MAN1C1: variants seen among roughly 807,000 people sequenced by gnomAD.
MAN1C1 encodes mannosidase alpha class 1C member 1.
In MAN1C1, 49 loss-of-function variants were observed where a neutral mutation model predicts 71.5. The observed-to-expected ratio is 0.69, with a 90% CI of 0.54 to 0.87. MAN1C1 has a LOEUF of 0.87. Ranked by LOEUF, MAN1C1 falls within the 40% of genes least tolerant of loss-of-function variation. MAN1C1 has a pLI of 0.00. For missense variants in MAN1C1, 743 were observed against 835.0 expected (o/e 0.89, Z 1.36); for synonymous variants, 352 against 343.7 (o/e 1.02, Z -0.27).
At chr1:25,691,936 G>T (rs759312222) in intron 2 of MAN1C1, among the ~76,000 whole-genome samples, 4 of 152,186 alleles carry the variant, frequency 2.6e-5, no homozygotes, top group Non-Finnish European at 5.9e-5. Context: ...CAATAAATCT[G>T]TGTAGTCCGT....
At chr1:25,679,475 A>T (rs889378164) in intron 1 of MAN1C1, among the ~76,000 whole-genome samples, 7 of 152,028 alleles carry the variant, frequency 4.6e-5, no homozygotes, top group Admixed American at 4.6e-4. Context: ...GTTGTAATTT[A>T]TAAAAAGTGA....
chr1:25,781,862 G>A (rs561560706), intron 10 of MAN1C1, among the ~76,000 whole-genome samples: 2 of 152,284 alleles, frequency 1.3e-5, no homozygotes, highest in South Asian at 2.1e-4. Context: ...GACCCCCTCC[G>A]TGGGTAGAAA....
At chr1:25,689,356 T>C (rs1285166648) in intron 2 of MAN1C1, among the ~76,000 whole-genome samples, 1 of 152,136 alleles carries the variant, frequency 6.6e-6, no homozygotes, top group Non-Finnish European at 1.5e-5. Flanking sequence ...GTCCTGGTTG[T>C]GTGACCTTGG....
chr1:25,727,639 ACAGCT>A (rs2046850242), intron 2 of MAN1C1, among the ~76,000 whole-genome samples: 1 of 152,224 alleles, frequency 6.6e-6, no homozygotes, highest in Non-Finnish European at 1.5e-5. Context: ...GAGGCCAGAG[ACAGCT>A]CTTCACATCC....
chr1:25,728,377 G>A (rs1367882160), intron 2 of MAN1C1, among the ~76,000 whole-genome samples: 1 of 152,120 alleles, frequency 6.6e-6, no homozygotes, highest in East Asian at 1.9e-4. Context: ...ACTTGTCATC[G>A]TATTAGGCAC....
At position 25,617,248 on chromosome 1, in the gene MAN1C1, C is replaced by T. The variant is rs1364163738; in HGVS notation, c.-550C>T. Among the ~76,000 whole-genome samples the T allele has an allele frequency of 6.6e-6, 1 of 151,164 alleles. No homozygotes were observed. The highest frequency in any genetic ancestry group is 1.5e-5 in the Non-Finnish European group (1 of 67,692). ...AGCCCGGGCGCTGTCGCGACCGGGC[C>T]GGGTGTGCGCGCGCTCGGGGCGGCG... On this transcript the variant is annotated 5_prime_UTR_variant, in exon 1 of 12. Coordinates refer to ENST00000374332, the MANE Select transcript of MAN1C1 (RefSeq NM_020379.4). The surrounding 1 kb of genome is among the most constrained non-coding windows in gnomAD (Gnocchi z 5.1).
chr1:25,656,781 G>C (rs914243313), intron 1 of MAN1C1, among the ~76,000 whole-genome samples: 20 of 152,032 alleles, frequency 1.3e-4, no homozygotes, highest in African/African-American at 3.9e-4. Flanking sequence ...TAGCCAAGGA[G>C]GGGAGAGAGA....
rs1450389925 is a variant in MAN1C1, at chr1:25,745,604, G to A, written c.638-1064G>A. On this transcript the variant is annotated intron_variant, in intron 2 of 11. Transcript: ENST00000374332. ...ATAGGCACAGGTCGACCTCACCTGC[G>A]TGGATGACTGCATGGTATCCTATTT... 5.3e-5 allele frequency among the ~76,000 whole-genome samples: 8 copies of A among 152,298 alleles called. No individual in the cohort carries two copies. In the East Asian group the frequency reaches 1.2e-3, roughly 22 times the overall value.
At chr1:25,690,918 G>A (rs368797092) in intron 2 of MAN1C1, among the ~76,000 whole-genome samples, 23 of 152,208 alleles carry the variant, frequency 1.5e-4, no homozygotes, top group East Asian at 5.8e-4. Context: ...GGAACCAGCC[G>A]TAAAGTGGCT....
intron 2 of MAN1C1, among the ~76,000 whole-genome samples, chr1:25,707,383 C>T (rs1321591154): frequency 6.6e-6 from 1 of 152,226 alleles, no homozygotes; most frequent in African/African-American, 2.4e-5. Context: ...GGAAGGCAAT[C>T]AATACGTAAT....
Position 25,763,916 on chromosome 1 carries a change from T to G in MAN1C1, c.1090T>G (p.Phe364Val). ...GGTCCTCAGGAAGATCGAAAAGCCCTTTGGCCTCTACCCCAACTTCCTCAG... is the reference window on the plus strand; with the variant it reads ...GGTCCTCAGGAAGATCGAAAAGCCCGTTGGCCTCTACCCCAACTTCCTCAG... The part of the protein sequence containing the change: ...RKVLRKIEKP[F>V]GLYPNFLSPV... The change falls in exon 7 of 12, where the codon TTT becomes GTT. Residue 364 changes from phenylalanine to valine, a missense_variant. Coordinates refer to ENST00000374332, the MANE Select transcript of MAN1C1 (RefSeq NM_020379.4). 7 of 1,613,918 alleles carry G rather than the reference T, an allele frequency of 4.3e-6. No homozygotes were observed. The highest frequency in any genetic ancestry group is 5.9e-6 in the Non-Finnish European group (7 of 1,180,012).
At chr1:25,627,120 T>G (rs2045306484) in intron 1 of MAN1C1, among the ~76,000 whole-genome samples, 1 of 152,254 alleles carries the variant, frequency 6.6e-6, no homozygotes, top group South Asian at 2.1e-4. Flanking sequence ...TATCACTATT[T>G]GTTGAAAAAA....
chr1:25,624,595 T>C (rs2045265518), intron 1 of MAN1C1, among the ~76,000 whole-genome samples: 2 of 152,248 alleles, frequency 1.3e-5, no homozygotes, highest in South Asian at 4.1e-4. Flanking sequence ...CTTTGCTATA[T>C]TGATTAGTGC....
rs2045388288 is a variant in MAN1C1, at chr1:25,631,993, A to ATCCTGAAC, written c.540+13663_540+13670dup. On this transcript the variant is annotated intron_variant, in intron 1 of 11. Transcript: ENST00000374332. The surrounding 1 kb of genome is among the most constrained non-coding windows in gnomAD (Gnocchi z 4.2). ...ACCATGTTGGCTAGGCTGGTCTTGA[A>ATCCTGAAC]TCCTGAACTCCTGACCTCAAGCGAT... Among the ~76,000 whole-genome samples the ATCCTGAAC allele has an allele frequency of 8.5e-5, 13 of 152,076 alleles. No homozygotes were observed. In the South Asian group the frequency reaches 2.5e-3, roughly 29 times the overall value.
In MAN1C1 at chr1:25,618,220, C is replaced by T; in HGVS notation, c.423C>T (p.Phe141=). The T allele has an allele frequency of 6.3e-7, 1 of 1,598,384 alleles. No individual in the cohort carries two copies. Among genetic ancestry groups the T allele is most frequent in the South Asian group, 1.1e-5 (1 of 88,584 alleles). Reference sequence around the variant, plus strand: ...GGCCCGGGGACGAGGGCGTCCCTTTCCGCTTTGACTTCAACGCATTCCGGA... The same window carrying T: ...GGCCCGGGGACGAGGGCGTCCCTTTTCGCTTTGACTTCAACGCATTCCGGA... ...ASRPGDEGVP[F]RFDFNAFRSR... is the part of the protein sequence containing the mutation. The change falls in exon 1 of 12, where the codon TTC becomes TTT. Residue 141 remains phenylalanine, a synonymous_variant. Transcript: ENST00000374332.
chr1:25,629,260 GT>G (rs1292075032), intron 1 of MAN1C1, among the ~76,000 whole-genome samples: 1 of 152,036 alleles, frequency 6.6e-6, no homozygotes, highest in East Asian at 1.9e-4. Flanking sequence ...AATGTCTATT[GT>G]TTTTTGACTT....
chr1:25,718,601 G>A (rs2046715814), intron 2 of MAN1C1, among the ~76,000 whole-genome samples: 1 of 152,082 alleles, frequency 6.6e-6, no homozygotes, highest in African/African-American at 2.4e-5. Context: ...CATTTCCACT[G>A]CCATCCCCAG....
chr1:25,738,263 GAA>G (rs959401503), intron 2 of MAN1C1, among the ~76,000 whole-genome samples: 5 of 151,698 alleles, frequency 3.3e-5, no homozygotes, highest in Non-Finnish European at 1.5e-5. Context: ...CCTGCTCAAG[GAA>G]AAAAAATTAA....
chr1:25,629,613 G>C (rs867811388), intron 1 of MAN1C1, among the ~76,000 whole-genome samples: 1 of 152,152 alleles, frequency 6.6e-6, no homozygotes. Flanking sequence ...TAGAGACAGG[G>C]TTTCACCATA....
Sources: allele counts gnomAD v4.1 joint callset (sites outside exome capture counted in the v4.1 genomes callset), GRCh38; gene constraint gnomAD v4.1.1; non-coding constraint Gnocchi (gnomAD v3.1); transcripts MANE v1.5; gene names NCBI Gene and HGNC (gene_info 2026-07-23, HGNC 2026-07-21).